The following CHRM3 variants were observed in gnomAD, a reference collection of about 807,000 sequenced individuals.
The protein encoded by CHRM3 is cholinergic receptor muscarinic 3, also known as muscarinic acetylcholine receptor M3.
In CHRM3, 11 loss-of-function variants were observed where a neutral mutation model predicts 41.8. That is an observed-to-expected ratio of 0.26 (90% CI 0.17 to 0.44). The LOEUF is 0.44. Among genes scored for constraint, CHRM3 ranks in the 20% least tolerant of loss-of-function variants. CHRM3 has a pLI of 1.00. For synonymous variants in CHRM3, 297 were observed against 301.4 expected (o/e 0.99, Z 0.15); for missense variants, 571 against 745.4 (o/e 0.77, Z 2.72).
intron 4 of CHRM3, among the ~76,000 whole-genome samples, chr1:239,662,136 T>C (rs1044532142): frequency 1.3e-5 from 2 of 151,846 alleles, no homozygotes; most frequent in Non-Finnish European, 2.9e-5. Flanking sequence ...TGTGTGTGTG[T>C]GTGTGTGTAT....
chr1:239,435,765 T>C (rs560396316), intron 1 of CHRM3, among the ~76,000 whole-genome samples: 2 of 152,324 alleles, frequency 1.3e-5, no homozygotes, highest in Non-Finnish European at 2.9e-5. Flanking sequence ...TTGATTTTCC[T>C]GAAAATAATT....
At chr1:239,679,316 C>A (rs575892205) in intron 5 of CHRM3, among the ~76,000 whole-genome samples, 1 of 152,204 alleles carries the variant, frequency 6.6e-6, no homozygotes, top group Non-Finnish European at 1.5e-5. Flanking sequence ...CTGCCCCCAT[C>A]AGAAGTATGT....
At chr1:239,798,326 G>T (rs1669957832) in intron 5 of CHRM3, among the ~76,000 whole-genome samples, 1 of 152,114 alleles carries the variant, frequency 6.6e-6, no homozygotes, top group Non-Finnish European at 1.5e-5. Flanking sequence ...TTATATGTGG[G>T]TTTTCGATTG....
intron 2 of CHRM3, among the ~76,000 whole-genome samples, chr1:239,501,958 GCTTA>G (rs1407273558): frequency 1.3e-5 from 2 of 152,098 alleles, no homozygotes; most frequent in Non-Finnish European, 2.9e-5. Context: ...AGCCCTCAAT[GCTTA>G]CTTCAGAAAG....
chr1:239,607,373 G>C, intron 3 of CHRM3, among the ~76,000 whole-genome samples: 1 of 152,120 alleles, frequency 6.6e-6, no homozygotes, highest in East Asian at 1.9e-4. Flanking sequence ...TTAAAAAAAA[G>C]AGTTGTCAAA....
At chr1:239,500,934 G>C (rs1021570075) in intron 2 of CHRM3, among the ~76,000 whole-genome samples, 2 of 152,154 alleles carry the variant, frequency 1.3e-5, no homozygotes, top group Non-Finnish European at 2.9e-5. Flanking sequence ...GGTGCAAAAG[G>C]CATTTCATGC....
chr1:239,734,182 C>A (rs1376809763), intron 5 of CHRM3, among the ~76,000 whole-genome samples: 1 of 152,022 alleles, frequency 6.6e-6, no homozygotes, highest in Non-Finnish European at 1.5e-5. Flanking sequence ...CAGTAATTTA[C>A]CACTTAAGGG....
At chr1:239,580,704 T>TATATATATATATATATATAC (rs570878631) in intron 3 of CHRM3, among the ~76,000 whole-genome samples, 4 of 131,086 alleles carry the variant, frequency 3.1e-5, no homozygotes, top group East Asian at 2.1e-4. Context: ...TATATATATA[T>TATATATATATATATATATAC]ACACACACAC....
intron 1 of CHRM3, among the ~76,000 whole-genome samples, chr1:239,419,534 A>C (rs923545960): frequency 6.6e-6 from 1 of 152,188 alleles, no homozygotes; most frequent in Non-Finnish European, 1.5e-5. Flanking sequence ...TCAGGAAGTC[A>C]CAAGGGAAGA....
Position 239,813,227 on chromosome 1 carries a change from G to A in CHRM3, c.-146-14025G>A, listed in dbSNP as rs958968946. The stretch of plus-strand genomic sequence containing the variant: ...CGGGAGGCAGAGGTTGCAGTGAGCC[G>A]ACATTGTGCCACCGCACTCCAGCCT... On this transcript the variant is annotated intron_variant, in intron 5 of 6. Coordinates refer to ENST00000676153, the MANE Select transcript of CHRM3 (RefSeq NM_001375978.1). 3.4e-4 allele frequency among the ~76,000 whole-genome samples: 51 copies of A among 152,098 alleles called. 1 individual carries two copies. The highest frequency in any genetic ancestry group is 1.2e-3 in the African/African-American group (48 of 41,424).
At chr1:239,562,595 T>A (rs1179147361) in intron 3 of CHRM3, among the ~76,000 whole-genome samples, 3 of 151,970 alleles carry the variant, frequency 2.0e-5, no homozygotes, top group Non-Finnish European at 4.4e-5. Context: ...TTATTATTAT[T>A]TTTAAAGCGT....
At chr1:239,841,336 A>T (rs1026133085) in intron 6 of CHRM3, among the ~76,000 whole-genome samples, 12 of 152,054 alleles carry the variant, frequency 7.9e-5, no homozygotes, top group African/African-American at 2.9e-4. Flanking sequence ...TTTAAAAGGG[A>T]TGTGGGATTT....
At chr1:239,814,652 T>A (rs1671421036) in intron 5 of CHRM3, among the ~76,000 whole-genome samples, 1 of 152,194 alleles carries the variant, frequency 6.6e-6, no homozygotes, top group Non-Finnish European at 1.5e-5. Flanking sequence ...AGAAAGATGG[T>A]CCACACACAG....
At chr1:239,459,211 C>G (rs912578989) in intron 1 of CHRM3, among the ~76,000 whole-genome samples, 11 of 151,722 alleles carry the variant, frequency 7.3e-5, no homozygotes, top group African/African-American at 2.4e-4. Flanking sequence ...CTTTTTGTCC[C>G]TAAATCTAAA....
chr1:239,735,887 G>A (rs1350968422), intron 5 of CHRM3, among the ~76,000 whole-genome samples: 1 of 152,098 alleles, frequency 6.6e-6, no homozygotes, highest in African/African-American at 2.4e-5. Flanking sequence ...TTGGGGATAC[G>A]TGGATGTGCC....
chr1:239,637,878 G>A (rs1670658727), intron 4 of CHRM3, among the ~76,000 whole-genome samples: 2 of 148,478 alleles, frequency 1.3e-5, no homozygotes, highest in Admixed American at 6.7e-5. Flanking sequence ...TCGTCATTTA[G>A]CATTAGGTAT....
chr1:239,722,645 C>T (rs1419312684), intron 5 of CHRM3, among the ~76,000 whole-genome samples: 2 of 151,826 alleles, frequency 1.3e-5, no homozygotes, highest in African/African-American at 4.8e-5. Context: ...AATTGACAAT[C>T]TTCATTATGT....
chr1:239,700,200 G>A (rs927361400), intron 5 of CHRM3, among the ~76,000 whole-genome samples: 5 of 152,058 alleles, frequency 3.3e-5, no homozygotes, highest in South Asian at 2.1e-4. Context: ...CTTTTATTCC[G>A]CCATTCCTGA....
chr1:239,503,553 A>C (rs2148148259), intron 2 of CHRM3, among the ~76,000 whole-genome samples: 1 of 152,284 alleles, frequency 6.6e-6, no homozygotes, highest in Non-Finnish European at 1.5e-5. Context: ...GAATTAGAAA[A>C]AAAAATTCTA....
Sources: gnomAD v4.1 joint callset for allele counts (sites outside exome capture counted in the v4.1 genomes callset) on GRCh38, gnomAD v4.1.1 for gene constraint, MANE v1.5 for transcripts, NCBI Gene and HGNC (gene_info 2026-07-23, HGNC 2026-07-21) for gene names.